SESN1: variants seen among roughly 807,000 people sequenced by gnomAD.
SESN1 encodes the protein sestrin 1.
Under a neutral mutation model 59.3 loss-of-function variants are expected in SESN1, and 30 were observed. That is an observed-to-expected ratio of 0.51 (90% CI 0.38 to 0.69). The LOEUF (loss-of-function observed/expected upper bound fraction) is 0.69. Among genes scored for constraint, SESN1 ranks in the 30% least tolerant of loss-of-function variants. The probability of loss-of-function intolerance (pLI) is 0.00; values close to 1 mark genes in which losing one functional copy is unlikely to be tolerated. For missense variants in SESN1, 566 were observed against 673.0 expected (o/e 0.84, Z 1.76); for synonymous variants, 197 against 219.9 (o/e 0.90, Z 0.92).
At chr6:109,003,099 T>TTC (rs910564290) in intron 1 of SESN1, among the ~76,000 whole-genome samples, 1 of 152,060 alleles carries the variant, frequency 6.6e-6, no homozygotes, top group Non-Finnish European at 1.5e-5. Context: ...CTGTTAGGGT[T>TTC]TCCTTTCCCT....
At chr6:108,998,059 G>T (rs1403271126) in intron 5 of SESN1, among the ~76,000 whole-genome samples, 2 of 152,156 alleles carry the variant, frequency 1.3e-5, no homozygotes, top group Non-Finnish European at 2.9e-5. Context: ...GAAATTTCTA[G>T]ATCAAAGTTG....
chr6:109,030,770 C>T (rs1438972543), intron 1 of SESN1, among the ~76,000 whole-genome samples: 1 of 152,126 alleles, frequency 6.6e-6, no homozygotes, highest in Non-Finnish European at 1.5e-5. Flanking sequence ...ATTAATTTCC[C>T]ATAGAGTGAC....
At chr6:109,028,867 G>A (rs930190664) in intron 1 of SESN1, among the ~76,000 whole-genome samples, 3 of 152,160 alleles carry the variant, frequency 2.0e-5, no homozygotes, top group Non-Finnish European at 2.9e-5. Flanking sequence ...TAAATCTGCA[G>A]CTGAAGAAAT....
At chr6:109,068,337 T>C (rs1317529987) in intron 1 of SESN1, among the ~76,000 whole-genome samples, 1 of 152,154 alleles carries the variant, frequency 6.6e-6, no homozygotes, top group African/African-American at 2.4e-5. Context: ...ATATAAGAAC[T>C]GGCTGCTCAG....
At chr6:109,035,629 T>C (rs1203878018) in intron 1 of SESN1, among the ~76,000 whole-genome samples, 1 of 152,174 alleles carries the variant, frequency 6.6e-6, no homozygotes, top group Non-Finnish European at 1.5e-5. Context: ...CTGTCACTTT[T>C]TTTGAGAAGG....
intron 1 of SESN1, among the ~76,000 whole-genome samples, chr6:109,029,471 G>A (rs1035879591): frequency 3.9e-5 from 6 of 152,130 alleles, no homozygotes; most frequent in Non-Finnish European, 7.3e-5. Flanking sequence ...AATTTTAAAT[G>A]TTGCCACTTC....
intron 1 of SESN1, among the ~76,000 whole-genome samples, chr6:109,027,518 A>C (rs575211708): frequency 1.1e-4 from 16 of 151,388 alleles, no homozygotes; most frequent in African/African-American, 3.9e-4. Flanking sequence ...ATCTTCACCA[A>C]TGCTCAGCAT....
At chr6:109,058,116 G>C (rs568564923) in intron 1 of SESN1, among the ~76,000 whole-genome samples, 1 of 151,568 alleles carries the variant, frequency 6.6e-6, no homozygotes, top group East Asian at 1.9e-4. Context: ...GCAGGGCCTC[G>C]CTCTGTTGCC....
chr6:109,053,074 G>C (rs1317586133), intron 1 of SESN1, among the ~76,000 whole-genome samples: 1 of 152,180 alleles, frequency 6.6e-6, no homozygotes, highest in African/African-American at 2.4e-5. Flanking sequence ...GTGCGTGCGT[G>C]TGTGCACAGC....
At chr6:109,081,001 C>T (rs908366489) in intron 1 of SESN1, among the ~76,000 whole-genome samples, 10 of 151,738 alleles carry the variant, frequency 6.6e-5, no homozygotes, top group South Asian at 4.2e-4. Flanking sequence ...GGTTACATCC[C>T]GAAGATATCT....
chr6:108,992,797 A>C lies in SESN1; in HGVS notation c.1223T>G (p.Phe408Cys). The stretch of plus-strand genomic sequence containing the variant: ...AAGTTGCAATTTTACCTGGACACGA[A>C]ATGTTGGAACATGCATCCCATGTCT... ...FSRHGMHVPT[F>C]RVQDYCWEDH... Residue 408 changes from phenylalanine to cysteine, a missense_variant, in exon 7 of 10, where the codon TTT becomes TGT. Physicochemically the swap from Phe to Cys is radical, Grantham distance 205 (BLOSUM62 -2). Transcript: ENST00000436639. 1 of 1,610,458 alleles carries C rather than the reference A, an allele frequency of 6.2e-7. No homozygotes were observed. The highest frequency in any genetic ancestry group is 8.5e-7 in the Non-Finnish European group (1 of 1,176,828).
At chr6:109,058,109 G>A (rs537961021) in intron 1 of SESN1, among the ~76,000 whole-genome samples, 3 of 151,826 alleles carry the variant, frequency 2.0e-5, no homozygotes, top group African/African-American at 7.3e-5. Context: ...TTTTGAGGCA[G>A]GGCCTCGCTC....
chr6:108,999,359 A>T (rs1779569215), intron 4 of SESN1, among the ~76,000 whole-genome samples: 1 of 152,182 alleles, frequency 6.6e-6, no homozygotes. Flanking sequence ...AATATATTCA[A>T]ATCTTGTATC....
chr6:109,061,998 G>A (rs1333883463), intron 1 of SESN1, among the ~76,000 whole-genome samples: 1 of 152,182 alleles, frequency 6.6e-6, no homozygotes, highest in East Asian at 1.9e-4. Flanking sequence ...AATAATGAGA[G>A]AGAATGGATC....
Position 108,994,698 on chromosome 6 carries a change from CTTTTT to C in SESN1, c.973-94_973-90del, listed in dbSNP as rs11395949. 456 of 292,290 alleles carry C rather than the reference CTTTTT, an allele frequency of 1.6e-3. 1 individual carries two copies. Among genetic ancestry groups the C allele is most frequent in the East Asian group, 2.8e-3 (24 of 8,506 alleles). 18.1% of individuals were successfully genotyped at this position (292,290 alleles called of 1,614,324 possible). A position where few individuals can be genotyped will look rare whatever the true frequency, so the allele number is the denominator to read the frequency against. ...AAGTCTGTCTCATAAGAATTTATAT[CTTTTT>C]TTTTTTTTTTTTTTTTTGAGACAGA... On this transcript the variant is annotated intron_variant, in intron 5 of 9. Coordinates refer to ENST00000436639, the MANE Select transcript of SESN1 (RefSeq NM_014454.3).
At chr6:109,081,142 T>G (rs1166667170) in intron 1 of SESN1, among the ~76,000 whole-genome samples, 1 of 152,106 alleles carries the variant, frequency 6.6e-6, no homozygotes, top group Non-Finnish European at 1.5e-5. Context: ...AGTGCAGTGG[T>G]GCAATCTTGA....
At chr6:109,075,126 T>A (rs1345887203) in intron 1 of SESN1, among the ~76,000 whole-genome samples, 4 of 152,170 alleles carry the variant, frequency 2.6e-5, no homozygotes, top group Non-Finnish European at 5.9e-5. Context: ...GGACTCATAC[T>A]ATCACTAGCT....
intron 1 of SESN1, among the ~76,000 whole-genome samples, chr6:109,091,520 A>C (rs556376571): frequency 6.6e-6 from 1 of 152,250 alleles, no homozygotes; most frequent in African/African-American, 2.4e-5. Flanking sequence ...CAGCTCCTAG[A>C]ACTCATCTGC....
At chr6:109,005,859 T>C (rs928099822) in intron 1 of SESN1, among the ~76,000 whole-genome samples, 10 of 152,244 alleles carry the variant, frequency 6.6e-5, no homozygotes, top group South Asian at 2.1e-4. Flanking sequence ...TCTTTTGTTA[T>C]AGATTCTAGT....
Sources: allele counts gnomAD v4.1 joint callset (sites outside exome capture counted in the v4.1 genomes callset), GRCh38; gene constraint gnomAD v4.1.1; transcripts MANE v1.5; gene names NCBI Gene and HGNC (gene_info 2026-07-23, HGNC 2026-07-21).